PSMA1: variants seen among roughly 807,000 people sequenced by gnomAD.
The protein encoded by PSMA1 is proteasome subunit alpha type-1.
PSMA1 carries 3 observed loss-of-function variants against 38.4 expected under a neutral mutation model. The observed-to-expected ratio is 0.08, with a 90% CI of 0.04 to 0.20. The LOEUF (loss-of-function observed/expected upper bound fraction) is 0.20, where lower values mean the gene tolerates loss of function less well. Ranked by LOEUF, PSMA1 falls within the 10% of genes least tolerant of loss-of-function variation. PSMA1 has a pLI of 1.00. For missense variants in PSMA1, 227 were observed against 325.3 expected, an observed-to-expected ratio of 0.70 and a Z score of 2.32; for synonymous variants, 101 against 107.1, an observed-to-expected ratio of 0.94 and a Z score of 0.35.
intron 2 of PSMA1, among the ~76,000 whole-genome samples, chr11:14,609,060 A>C (rs753965526): frequency 6.6e-6 from 1 of 152,186 alleles, no homozygotes; most frequent in Non-Finnish European, 1.5e-5. Context: ...TTCCTTCAAG[A>C]ACTCAGAATT....
intron 2 of PSMA1, among the ~76,000 whole-genome samples, chr11:14,537,060 ATTTC>A (rs1462058238): frequency 6.6e-6 from 1 of 152,162 alleles, no homozygotes; most frequent in East Asian, 1.9e-4. Context: ...CATTTGTTTT[ATTTC>A]TTTATCTTTC....
chr11:14,540,495 G>A (rs1436322448), intron 2 of PSMA1, among the ~76,000 whole-genome samples: 2 of 152,128 alleles, frequency 1.3e-5, no homozygotes, highest in East Asian at 3.9e-4. Context: ...CTTCATTTCT[G>A]GAGGTAAATG....
intron 2 of PSMA1, among the ~76,000 whole-genome samples, chr11:14,589,351 G>GTATA (rs1362628753): frequency 1.2e-4 from 16 of 131,642 alleles, no homozygotes; most frequent in African/African-American, 4.1e-4. Context: ...ATGTGTGTGT[G>GTATA]TATATATATA....
intron 2 of PSMA1, among the ~76,000 whole-genome samples, chr11:14,591,338 G>C (rs1852412137): frequency 6.6e-6 from 1 of 152,186 alleles, no homozygotes; most frequent in Non-Finnish European, 1.5e-5. Context: ...CCATGCCTGA[G>C]CCTCCCACCC....
At chr11:14,626,898 T>C (rs1306165252) in intron 1 of PSMA1, among the ~76,000 whole-genome samples, 1 of 152,148 alleles carries the variant, frequency 6.6e-6, no homozygotes, top group Non-Finnish European at 1.5e-5. Flanking sequence ...CACCATAGAT[T>C]GGGTAGCTTA....
chr11:14,591,298 C>G (rs560798692), intron 2 of PSMA1, among the ~76,000 whole-genome samples: 1 of 152,218 alleles, frequency 6.6e-6, no homozygotes, highest in Non-Finnish European at 1.5e-5. Flanking sequence ...GCTGGCTTCC[C>G]GAGGGGCAGG....
intron 7 of PSMA1, among the ~76,000 whole-genome samples, chr11:14,511,373 A>G (rs1851339890): frequency 6.6e-6 from 1 of 152,202 alleles, no homozygotes; most frequent in Non-Finnish European, 1.5e-5. Context: ...CTACAGACCC[A>G]ATATAGATGC....
intron 2 of PSMA1, among the ~76,000 whole-genome samples, chr11:14,542,938 C>T (rs998964789): frequency 6.6e-6 from 1 of 152,100 alleles, no homozygotes; most frequent in African/African-American, 2.4e-5. Context: ...TCACTGTAAC[C>T]TCCGCCTCCC....
intron 1 of PSMA1, among the ~76,000 whole-genome samples, chr11:14,634,814 C>G: frequency 6.6e-6 from 1 of 152,138 alleles, no homozygotes; most frequent in East Asian, 1.9e-4. Context: ...AGAACTGGAG[C>G]CTTTAGTTAT....
chr11:14,637,369 C>T (rs540254783), intron 1 of PSMA1, among the ~76,000 whole-genome samples: 2 of 152,210 alleles, frequency 1.3e-5, no homozygotes. Flanking sequence ...ATCACTGTAC[C>T]TGGTAAGAAC....
chr11:14,536,791 A>G (rs1565039498), intron 2 of PSMA1, among the ~76,000 whole-genome samples: 1 of 151,486 alleles, frequency 6.6e-6, no homozygotes, highest in Non-Finnish European at 1.5e-5. Context: ...TTGTTTTTCT[A>G]TTTTTAGTAG....
At position 14,640,632 on chromosome 11, in the gene PSMA1, A is replaced by T. The variant is rs563280606; in HGVS notation, c.-166+2823T>A. 9.1e-4 allele frequency among the ~76,000 whole-genome samples: 138 copies of T among 151,836 alleles called. 2 individuals are homozygous for T. In the South Asian group the frequency reaches 0.026, roughly 28 times the overall value. On this transcript the variant is annotated intron_variant, in intron 1 of 10. Transcript: ENST00000418988. ...CTGAGATGAGTATTAGCTGGAAGGA[A>T]CATAGGTATTGTTAACATACTTGGG...
rs1403062936 is a variant in PSMA1 at position 14,641,164 on chromosome 11, A to G, written c.-166+2291T>C. ...GTACGTTCTGCACATGTATCCCAGA[A>G]CTTAAAGTATAATAATAATTAAAAA... On this transcript the variant is annotated intron_variant, in intron 1 of 10. Coordinates refer to the PSMA1 transcript ENST00000418988. 3.3e-5 allele frequency among the ~76,000 whole-genome samples: 5 copies of G among 151,878 alleles called. No homozygotes were observed. In the East Asian group the frequency reaches 9.6e-4, roughly 29 times the overall value.
chr11:14,557,390 C>T (rs953867982), intron 2 of PSMA1, among the ~76,000 whole-genome samples: 3 of 151,886 alleles, frequency 2.0e-5, no homozygotes, highest in Non-Finnish European at 2.9e-5. Flanking sequence ...GGTGCACAAG[C>T]GCACCACCAC....
In PSMA1 at chr11:14,590,302, A is replaced by G. The variant is rs142418327; in HGVS notation, c.21+20664T>C. 8.5e-5 allele frequency among the ~76,000 whole-genome samples: 13 copies of G among 152,334 alleles called. No individual in the cohort carries two copies. The East Asian group carries it at 2.5e-3, about 29-fold the overall frequency. On this transcript the variant is annotated intron_variant, in intron 2 of 10. Transcript: ENST00000418988. ...CACCACAATGTGAATGTACTTTACT[A>G]ACTGCACATTCAACACGGTTAAGAT...
exon 2 of PSMA1, chr11:14,611,001 A>C: frequency 6.2e-7 from 1 of 1,612,526 alleles, no homozygotes; most frequent in Non-Finnish European, 8.5e-7. Context: ...TTTCCAGGAG[A>C]CAGTCACCTA....
chr11:14,571,875 T>C (rs973717227), intron 2 of PSMA1, among the ~76,000 whole-genome samples: 2 of 152,084 alleles, frequency 1.3e-5, no homozygotes, highest in Non-Finnish European at 2.9e-5. Context: ...TAGTCTCTGA[T>C]AAAATAGACT....
intron 1 of PSMA1, among the ~76,000 whole-genome samples, chr11:14,637,919 C>G (rs1853130448): frequency 6.6e-6 from 1 of 152,128 alleles, no homozygotes; most frequent in South Asian, 2.1e-4. Flanking sequence ...CTTGGAAAAA[C>G]TCAGAATTAA....
chr11:14,623,947 C>T (rs1852881551), intron 1 of PSMA1, among the ~76,000 whole-genome samples: 1 of 152,202 alleles, frequency 6.6e-6, no homozygotes, highest in African/African-American at 2.4e-5. Flanking sequence ...TGGGTACAGG[C>T]TTGTCTTTCC....
Sources: allele counts gnomAD v4.1 joint callset (sites outside exome capture counted in the v4.1 genomes callset), GRCh38; gene constraint gnomAD v4.1.1; transcripts MANE v1.5; gene names NCBI Gene and HGNC (gene_info 2026-07-23, HGNC 2026-07-21).